The following EEA1 variants were observed in gnomAD, a reference collection of about 807,000 sequenced individuals.
EEA1 encodes early endosome antigen 1, 162kD.
In EEA1, 111 loss-of-function variants were observed where a neutral mutation model predicts 209.2. The ratio of observed to expected loss-of-function variants is 0.53; its 90% CI spans 0.45 to 0.62. The LOEUF is 0.62. Ranked by LOEUF, EEA1 falls within the 20% of genes least tolerant of loss-of-function variation. The pLI is 0.00. For synonymous variants in EEA1, 536 were observed against 540.6 expected, an observed-to-expected ratio of 0.99 and a Z score of 0.12; for missense variants, 1,343 against 1,530.8, an observed-to-expected ratio of 0.88 and a Z score of 2.05.
chr12:92,809,728 T>C (rs1192855853), intron 17 of EEA1, among the ~76,000 whole-genome samples: 1 of 151,332 alleles, frequency 6.6e-6, no homozygotes, highest in African/African-American at 2.4e-5. Flanking sequence ...AATGAAACAA[T>C]CAACTTAAAA....
intron 2 of EEA1, among the ~76,000 whole-genome samples, chr12:92,881,507 T>C (rs1879141021): frequency 6.6e-6 from 1 of 151,926 alleles, no homozygotes; most frequent in Non-Finnish European, 1.5e-5. Context: ...TGGAGGTCAG[T>C]TGAAGAGGTA....
chr12:92,836,568 T>C (rs1672862477), intron 10 of EEA1, among the ~76,000 whole-genome samples: 1 of 152,238 alleles, frequency 6.6e-6, no homozygotes, highest in Non-Finnish European at 1.5e-5. Flanking sequence ...CAAATTAAAC[T>C]ACTTTGTAGC....
chr12:92,869,761 A>G (rs1878555989), intron 2 of EEA1, among the ~76,000 whole-genome samples: 1 of 130,592 alleles, frequency 7.7e-6, no homozygotes, highest in African/African-American at 3.1e-5. Flanking sequence ...TCAAAAAAAA[A>G]AAAAAAAAAA....
At position 92,794,049 on chromosome 12, in the gene EEA1, C is replaced by T. The variant is rs563408037; in HGVS notation, c.2967+4843G>A. Among the ~76,000 whole-genome samples the T allele has an allele frequency of 1.6e-3, 245 of 152,142 alleles. 1 individual carries two copies. The highest frequency in any genetic ancestry group is 5.4e-3 in the African/African-American group (224 of 41,498). Reference sequence around the variant, plus strand: ...AATTTACAAGAAAAAAACAAACAACCCCATCAAAAAGTGGGCAAAGGATAC... The same window carrying T: ...AATTTACAAGAAAAAAACAAACAACTCCATCAAAAAGTGGGCAAAGGATAC... On this transcript the variant is annotated intron_variant, in intron 21 of 28. Transcript: ENST00000322349.
Position 92,844,796 on chromosome 12 carries a change from A to G in EEA1, c.799-2215T>C, listed in dbSNP as rs145489168. Among the ~76,000 whole-genome samples the G allele has an allele frequency of 5.3e-5, 8 of 152,226 alleles. No homozygotes were observed. The East Asian group carries it at 1.5e-3, about 29-fold the overall frequency. On this transcript the variant is annotated intron_variant, in intron 9 of 28. Coordinates refer to ENST00000322349, the MANE Select transcript of EEA1 (RefSeq NM_003566.4). ...AAAAATTTGCACAGGTTCCTGGCACATAACGCACAGAAATAATAACAGTAT... is the reference window on the plus strand; with the variant it reads ...AAAAATTTGCACAGGTTCCTGGCACGTAACGCACAGAAATAATAACAGTAT...
At chr12:92,832,244 G>A (rs1035614261) in intron 11 of EEA1, among the ~76,000 whole-genome samples, 1 of 151,824 alleles carries the variant, frequency 6.6e-6, no homozygotes, top group African/African-American at 2.4e-5. Context: ...GTACCTACAC[G>A]CCCCAGGTAC....
intron 1 of EEA1, among the ~76,000 whole-genome samples, chr12:92,924,751 T>C (rs1269780231): frequency 6.6e-6 from 1 of 150,494 alleles, no homozygotes; most frequent in Non-Finnish European, 1.5e-5. Flanking sequence ...GTACTAGCCC[T>C]GGTTCTTTTC....
rs1428447414 is a variant in EEA1 at position 92,771,453 on chromosome 12, C to A, written c.*4558G>T. The A allele has an allele frequency of 6.6e-6, 1 of 151,820 alleles. No homozygotes were observed. Among genetic ancestry groups the A allele is most frequent in the Non-Finnish European group, 1.5e-5 (1 of 67,894 alleles). 9.4% of individuals were successfully genotyped at this position (151,820 alleles called of 1,614,324 possible). On this transcript the variant is annotated 3_prime_UTR_variant, in exon 29 of 29. Coordinates refer to ENST00000322349, the MANE Select transcript of EEA1 (RefSeq NM_003566.4). ...GCACTATTAGAATGGAGACTAATAA[C>A]CTCTTTATAATAATGTCAGAAATTT...
At chr12:92,780,234 G>C in intron 24 of EEA1, 46 bp downstream of exon 24, 8 of 1,555,042 alleles carry the variant, frequency 5.1e-6, no homozygotes, top group Non-Finnish European at 6.9e-6. Context: ...TTTCTTTAAA[G>C]AGCAATATAA....
intron 21 of EEA1, 59 bp from the exon 22 acceptor site, chr12:92,788,108 A>C: frequency 7.2e-7 from 1 of 1,385,266 alleles, no homozygotes; most frequent in Non-Finnish European, 9.5e-7. Context: ...TTACAAATAT[A>C]AAGTAAAATC....
intron 15 of EEA1, among the ~76,000 whole-genome samples, chr12:92,814,771 T>C (rs1264344082): frequency 6.6e-6 from 1 of 152,164 alleles, no homozygotes; most frequent in Middle Eastern, 3.2e-3. Context: ...TGCATAATAA[T>C]GTACCTTGAT....
At chr12:92,919,073 A>G in intron 1 of EEA1, among the ~76,000 whole-genome samples, 1 of 149,836 alleles carries the variant, frequency 6.7e-6, no homozygotes, top group Non-Finnish European at 1.5e-5. Flanking sequence ...GAATAGACCA[A>G]TAACAGGATC....
chr12:92,794,304 T>C (rs1874549941), intron 21 of EEA1, among the ~76,000 whole-genome samples: 1 of 152,152 alleles, frequency 6.6e-6, no homozygotes, highest in Non-Finnish European at 1.5e-5. Flanking sequence ...AGTTCAACCA[T>C]TGTGGAAGAC....
chr12:92,825,459 C>CAA (rs112372498), intron 13 of EEA1, among the ~76,000 whole-genome samples: 40 of 123,958 alleles, frequency 3.2e-4, no homozygotes, highest in Admixed American at 1.1e-3. Flanking sequence ...CACTCCGTCT[C>CAA]AAAAAAAAAA....
chr12:92,797,682 G>A (rs1874718118), intron 21 of EEA1, among the ~76,000 whole-genome samples: 1 of 151,996 alleles, frequency 6.6e-6, no homozygotes, highest in African/African-American at 2.4e-5. Flanking sequence ...AATGACCTCA[G>A]GATATGAAAG....
intron 3 of EEA1, chr12:92,858,751 A>G (rs2133299): frequency 0.64 from 484,634 of 757,340 alleles, 160,588 homozygotes; most frequent in East Asian, 0.94. Context: ...GGATGCCCTA[A>G]AGGAGAAAGT....
At chr12:92,925,201 C>T (rs946336332) in intron 1 of EEA1, among the ~76,000 whole-genome samples, 1 of 146,536 alleles carries the variant, frequency 6.8e-6, no homozygotes, top group Non-Finnish European at 1.5e-5. Context: ...AAAAAAAACA[C>T]TAATCACAGT....
chr12:92,895,220 A>G (rs1045369388), intron 1 of EEA1, among the ~76,000 whole-genome samples: 2 of 134,912 alleles, frequency 1.5e-5, no homozygotes, highest in Non-Finnish European at 3.0e-5. Context: ...CAGTGGCCCG[A>G]TCTCAGCTCA....
At chr12:92,877,171 G>T (rs1485667996) in intron 2 of EEA1, among the ~76,000 whole-genome samples, 4 of 148,540 alleles carry the variant, frequency 2.7e-5, no homozygotes, top group Admixed American at 2.0e-4. Flanking sequence ...TAGAGACAGG[G>T]TTTCTCCATG....
Sources: gnomAD v4.1 joint callset for allele counts (sites outside exome capture counted in the v4.1 genomes callset) on GRCh38, gnomAD v4.1.1 for gene constraint, MANE v1.5 for transcripts, NCBI Gene and HGNC (gene_info 2026-07-23, HGNC 2026-07-21) for gene names.